SYTL2: variants seen among roughly 807,000 people sequenced by gnomAD.
SYTL2 encodes the protein synaptotagmin-like protein 2.
In SYTL2, 165 loss-of-function variants were observed where a neutral mutation model predicts 198.7. The observed-to-expected ratio is 0.83, with a 90% CI of 0.73 to 0.94. SYTL2 has a LOEUF of 0.94. Ranked by LOEUF, SYTL2 falls within the 40% of genes least tolerant of loss-of-function variation. The pLI, the probability that SYTL2 is intolerant of heterozygous loss-of-function variation, is 0.00. For synonymous variants in SYTL2, 966 were observed against 917.7 expected (o/e 1.05, Z -0.95); for missense variants, 2,835 against 2,582.8 (o/e 1.10, Z -2.12).
At chr11:85,780,219 T>C (rs2092534943) in intron 1 of SYTL2, among the ~76,000 whole-genome samples, 1 of 152,194 alleles carries the variant, frequency 6.6e-6, no homozygotes, top group South Asian at 2.1e-4. Context: ...GTGCTTATGC[T>C]CATCTAAAGA....
At chr11:85,812,163 C>T (rs552307583), upstream of SYTL2, among the ~76,000 whole-genome samples, 1 of 152,132 alleles carries the variant, frequency 6.6e-6, no homozygotes, top group Admixed American at 6.5e-5. Flanking sequence ...TTACAAGTTA[C>T]CCATGATGGG....
At position 85,726,755 on chromosome 11, in the gene SYTL2, A is replaced by G; in HGVS notation, c.2603T>C (p.Leu868Pro). 6.5e-7 allele frequency: 1 copy of G among 1,536,080 alleles called. No homozygotes were observed. The highest frequency in any genetic ancestry group is 1.2e-5 in the South Asian group (1 of 84,066). Residue 868 changes from leucine to proline, a missense_variant, in exon 8 of 20, where the codon CTC (leucine) becomes CCC (proline). Coordinates refer to ENST00000359152, the MANE Select transcript of SYTL2 (RefSeq NM_206927.4). ...TTTATTTGAGGAATAAGAATTGGAG[A>G]GCTGGGATGCTTGATCATCCTCATC... Reference protein sequence around the residue: ...VLDEDDQASQLSNSYSSNKSK... With the variant: ...VLDEDDQASQPSNSYSSNKSK...
At chr11:85,735,853 A>G (rs943465581) in intron 6 of SYTL2, among the ~76,000 whole-genome samples, 3 of 152,164 alleles carry the variant, frequency 2.0e-5, no homozygotes, top group African/African-American at 7.2e-5. Flanking sequence ...TGCCCAGTGG[A>G]AAGTATTTTA....
At chr11:85,743,248 T>C (rs933675654) in intron 4 of SYTL2, among the ~76,000 whole-genome samples, 4 of 152,142 alleles carry the variant, frequency 2.6e-5, no homozygotes, top group Non-Finnish European at 5.9e-5. Context: ...AAGGTTAAAG[T>C]ATAGGTAAGA....
At chr11:85,696,415 G>A (rs1487178564) in intron 18 of SYTL2, 27 bp from the exon 19 acceptor site, 5 of 1,561,546 alleles carry the variant, frequency 3.2e-6, no homozygotes, top group Non-Finnish European at 4.4e-6. Context: ...GATTGTGGGA[G>A]CATTTTAGTA....
intron 4 of SYTL2, among the ~76,000 whole-genome samples, chr11:85,738,181 C>CA (rs1378388908): frequency 2.6e-5 from 4 of 152,136 alleles, no homozygotes; most frequent in African/African-American, 9.7e-5. Flanking sequence ...AATTTGCCCC[C>CA]AAGGCCACAG....
At chr11:85,791,009 C>CA (rs551111733) in intron 1 of SYTL2, among the ~76,000 whole-genome samples, 3,148 of 150,290 alleles carry the variant, frequency 0.021, 59 homozygotes, top group Admixed American at 0.039. Flanking sequence ...ACTAAAAATA[C>CA]AAAAAAAATT....
rs760138012 is a variant in SYTL2, at chr11:85,705,032, A to C, written c.6019-4T>G. 1.3e-6 allele frequency: 2 copies of C among 1,597,106 alleles called. No homozygotes were observed. The highest frequency in any genetic ancestry group is 1.7e-6 in the Non-Finnish European group (2 of 1,166,644). ...AGATTTGTTTTTCAATTTTATACTGAAGTTCAAAGAAGAAAATTAAATGAT... is the reference window on the plus strand; with the variant it reads ...AGATTTGTTTTTCAATTTTATACTGCAGTTCAAAGAAGAAAATTAAATGAT... On this transcript the variant is annotated splice_region_variant and splice_polypyrimidine_tract_variant and intron_variant, in intron 15 of 19. Coordinates refer to ENST00000359152, the MANE Select transcript of SYTL2 (RefSeq NM_206927.4).
chr11:85,782,632 T>G (rs2092579401), intron 1 of SYTL2, among the ~76,000 whole-genome samples: 1 of 152,222 alleles, frequency 6.6e-6, no homozygotes, highest in Admixed American at 6.5e-5. Flanking sequence ...CATATCTTTG[T>G]GAATACATAA....
chr11:85,745,884 G>C (rs1565972781), intron 3 of SYTL2, 112 bp from the exon 4 acceptor site: 2 of 1,075,404 alleles, frequency 1.9e-6, no homozygotes, highest in Admixed American at 2.2e-5. Context: ...GGCCTTCCCA[G>C]TGCCAAGGCA....
chr11:85,694,491 C>T lies in SYTL2; in HGVS notation c.*704G>A, dbSNP rs1378425118. 6.6e-6 allele frequency: 1 copy of T among 152,122 alleles called. No individual in the cohort carries two copies. Among genetic ancestry groups the T allele is most frequent in the African/African-American group, 2.4e-5 (1 of 41,422 alleles). 9.4% of individuals were successfully genotyped at this position (152,122 alleles called of 1,614,324 possible). ...ATATGCAGGGTTTTAAAAAAATAAACTCATAAAAATACAGGCTTGAGACCT... is the reference window on the plus strand; with the variant it reads ...ATATGCAGGGTTTTAAAAAAATAAATTCATAAAAATACAGGCTTGAGACCT... On this transcript the variant is annotated 3_prime_UTR_variant, in exon 20 of 20. Coordinates refer to ENST00000359152, the MANE Select transcript of SYTL2 (RefSeq NM_206927.4).
chr11:85,721,240 G>A (rs1312001978), intron 8 of SYTL2, among the ~76,000 whole-genome samples: 1 of 152,098 alleles, frequency 6.6e-6, no homozygotes, highest in Non-Finnish European at 1.5e-5. Flanking sequence ...TCCTATTTTA[G>A]ACATATGATT....
At chr11:85,744,752 T>C (rs2091033667) in intron 4 of SYTL2, among the ~76,000 whole-genome samples, 1 of 152,178 alleles carries the variant, frequency 6.6e-6, no homozygotes, top group African/African-American at 2.4e-5. Context: ...AGACTCTGAA[T>C]TGAACTAACT....
intron 2 of SYTL2, among the ~76,000 whole-genome samples, chr11:85,751,805 C>T (rs2091528131): frequency 6.6e-6 from 1 of 152,210 alleles, no homozygotes; most frequent in Non-Finnish European, 1.5e-5. Flanking sequence ...TCATCCATTT[C>T]AAAAGATGGC....
intron 13 of SYTL2, among the ~76,000 whole-genome samples, chr11:85,710,407 C>G (rs1186963101): frequency 6.6e-6 from 1 of 152,128 alleles, no homozygotes; most frequent in Non-Finnish European, 1.5e-5. Context: ...TTCAGAAACA[C>G]AAGGCTAGCA....
chr11:85,783,018 G>A (rs756540266), intron 1 of SYTL2, among the ~76,000 whole-genome samples: 9 of 152,130 alleles, frequency 5.9e-5, no homozygotes, highest in Non-Finnish European at 7.4e-5. Context: ...TTCCAAAGCC[G>A]CTTCCACATT....
chr11:85,784,403 T>C (rs1255967016), intron 1 of SYTL2, among the ~76,000 whole-genome samples: 1 of 151,924 alleles, frequency 6.6e-6, no homozygotes, highest in African/African-American at 2.4e-5. Flanking sequence ...CTCATTAATG[T>C]CTTGCAAAAA....
intron 15 of SYTL2, among the ~76,000 whole-genome samples, chr11:85,706,678 T>A (rs1015353919): frequency 6.6e-6 from 1 of 152,188 alleles, no homozygotes; most frequent in Non-Finnish European, 1.5e-5. Context: ...AGGCTGGAGT[T>A]CAGGTTGTGA....
At chr11:85,718,865 A>C (rs1221615536) in intron 9 of SYTL2, 22 bp from the exon 10 acceptor site, 18 of 1,612,216 alleles carry the variant, frequency 1.1e-5, no homozygotes, top group Non-Finnish European at 1.5e-5. Flanking sequence ...AAATTAACAA[A>C]TGGTTAACAT....
Sources: gnomAD v4.1 joint callset for allele counts (sites outside exome capture counted in the v4.1 genomes callset) on GRCh38, gnomAD v4.1.1 for gene constraint, MANE v1.5 for transcripts, NCBI Gene and HGNC (gene_info 2026-07-23, HGNC 2026-07-21) for gene names.